DCLK1: variants seen among roughly 807,000 people sequenced by gnomAD.
The protein encoded by DCLK1 is serine/threonine-protein kinase DCLK1.
A neutral mutation model predicts 86.2 loss-of-function variants in DCLK1; 16 were observed. That is an observed-to-expected ratio of 0.19 (90% CI 0.13 to 0.28). DCLK1 has a LOEUF of 0.28. DCLK1 is among the 10% of genes least tolerant of loss of function. The pLI, the probability that DCLK1 is intolerant of heterozygous loss-of-function variation, is 1.00. For synonymous variants in DCLK1, 369 were observed against 370.5 expected, an observed-to-expected ratio of 1.00 and a Z score of 0.05; for missense variants, 590 against 940.2, an observed-to-expected ratio of 0.63 and a Z score of 4.87.
intron 3 of DCLK1, among the ~76,000 whole-genome samples, chr13:35,982,908 C>A (rs1477796245): frequency 6.6e-6 from 1 of 151,724 alleles, no homozygotes; most frequent in Non-Finnish European, 1.5e-5. Flanking sequence ...ATTACAAGCA[C>A]CCGCCACCAC....
intron 4 of DCLK1, among the ~76,000 whole-genome samples, chr13:35,915,846 A>C (rs1875373095): frequency 6.6e-6 from 1 of 152,224 alleles, no homozygotes; most frequent in Admixed American, 6.5e-5. Context: ...GTTTTGATTG[A>C]TCACTAACCT....
intron 3 of DCLK1, among the ~76,000 whole-genome samples, chr13:36,066,522 C>G (rs1883757017): frequency 6.6e-6 from 1 of 152,058 alleles, no homozygotes; most frequent in Non-Finnish European, 1.5e-5. Flanking sequence ...TAGCATGGCC[C>G]AAGTAAATCA....
intron 5 of DCLK1, among the ~76,000 whole-genome samples, chr13:35,865,767 G>C (rs1277636695): frequency 4.6e-5 from 7 of 152,158 alleles, no homozygotes; most frequent in Non-Finnish European, 1.0e-4. Context: ...AGAGAAATGG[G>C]TAAGGGACAA....
chr13:36,101,504 G>A (rs140832410), intron 3 of DCLK1, among the ~76,000 whole-genome samples: 14 of 152,282 alleles, frequency 9.2e-5, no homozygotes, highest in East Asian at 5.8e-4. Context: ...AACAACAGCC[G>A]GGGTTCGCCG....
intron 4 of DCLK1, among the ~76,000 whole-genome samples, chr13:35,882,868 G>A (rs1264084281): frequency 6.6e-6 from 1 of 152,154 alleles, no homozygotes; most frequent in African/African-American, 2.4e-5. Context: ...CTCCAGCGGA[G>A]GAAATGAGCC....
chr13:35,953,988 G>C (rs943639176), intron 3 of DCLK1, among the ~76,000 whole-genome samples: 4 of 152,146 alleles, frequency 2.6e-5, no homozygotes, highest in African/African-American at 7.2e-5. Flanking sequence ...TATATTTTAA[G>C]CAAGAGAATA....
chr13:35,783,730 G>T (rs2086571327), intron 16 of DCLK1, among the ~76,000 whole-genome samples: 1 of 151,944 alleles, frequency 6.6e-6, no homozygotes, highest in South Asian at 2.1e-4. Flanking sequence ...GATTACAGGT[G>T]CCCACCACCA....
intron 4 of DCLK1, among the ~76,000 whole-genome samples, chr13:35,882,493 T>A (rs1408799649): frequency 6.6e-6 from 1 of 152,238 alleles, no homozygotes; most frequent in African/African-American, 2.4e-5. Context: ...TATCAGGAAA[T>A]CTATTGTTGC....
At chr13:35,787,007 C>T (rs893229586) in intron 16 of DCLK1, among the ~76,000 whole-genome samples, 1 of 151,478 alleles carries the variant, frequency 6.6e-6, no homozygotes, top group Admixed American at 6.6e-5. Context: ...TTCTGCTTTC[C>T]TATGTACTAT....
chr13:36,116,626 T>C (rs1885801927), intron 2 of DCLK1, among the ~76,000 whole-genome samples: 1 of 152,192 alleles, frequency 6.6e-6, no homozygotes, highest in South Asian at 2.1e-4. Context: ...TTCACATTAC[T>C]AGAGCTGGTT....
At chr13:35,804,677 C>T (rs1393141337) in intron 15 of DCLK1, among the ~76,000 whole-genome samples, 3 of 151,920 alleles carry the variant, frequency 2.0e-5, no homozygotes, top group African/African-American at 7.3e-5. Context: ...AAGCGATCTG[C>T]CGGCCTCAGC....
In DCLK1 at chr13:35,850,710, A is replaced by G. The variant is rs758944231; in HGVS notation, c.1035+3789T>C. 2.4e-5 allele frequency: 39 copies of G among 1,597,962 alleles called. No homozygotes were observed. The South Asian group carries it at 4.3e-4, about 18-fold the overall frequency. On this transcript the variant is annotated intron_variant, in intron 6 of 16. Coordinates refer to ENST00000360631, the MANE Select transcript of DCLK1 (RefSeq NM_001330071.2). ...AATCACAAACCATATACATTGCTCC[A>G]TTGTTTCTTTTACACTGAGTCTCCT...
intron 3 of DCLK1, among the ~76,000 whole-genome samples, chr13:36,082,735 G>A (rs744190): frequency 0.59 from 89,696 of 152,034 alleles, 26,886 homozygotes; most frequent in East Asian, 0.86. Context: ...GAAAGCACTA[G>A]AAGTTGCTAA....
chr13:35,868,910 C>T (rs779735005), intron 5 of DCLK1, among the ~76,000 whole-genome samples: 39 of 152,174 alleles, frequency 2.6e-4, no homozygotes, highest in Non-Finnish European at 4.6e-4. Context: ...CCTGCCTCAG[C>T]CTCCTGAGTA....
intron 3 of DCLK1, among the ~76,000 whole-genome samples, chr13:36,063,508 G>A (rs1019962690): frequency 1.3e-5 from 2 of 152,052 alleles, no homozygotes; most frequent in Non-Finnish European, 2.9e-5. Context: ...AGGCCTTGAG[G>A]CTCTTATTTT....
At chr13:35,818,230 T>C (rs1013398695) in intron 11 of DCLK1, among the ~76,000 whole-genome samples, 1 of 152,180 alleles carries the variant, frequency 6.6e-6, no homozygotes, top group Non-Finnish European at 1.5e-5. Context: ...CCAGTGCAGT[T>C]AGCTATCCTA....
intron 5 of DCLK1, among the ~76,000 whole-genome samples, chr13:35,870,123 C>T (rs1289371881): frequency 3.3e-5 from 5 of 152,180 alleles, no homozygotes; most frequent in Admixed American, 1.3e-4. Context: ...CAAGTGCCAG[C>T]GATGCTCTGA....
Position 35,774,704 on chromosome 13 carries a change from C to G in DCLK1, c.2059-5G>C. On this transcript the variant is annotated splice_polypyrimidine_tract_variant and splice_region_variant and intron_variant, in intron 16 of 16. Coordinates refer to ENST00000360631, the MANE Select transcript of DCLK1 (RefSeq NM_001330071.2). ...CTCCTTATCAAGAGCGGTGGTCTAGCAGGGGCATAAAATGAGAAAGAGGAC... is the reference window on the plus strand; with the variant it reads ...CTCCTTATCAAGAGCGGTGGTCTAGGAGGGGCATAAAATGAGAAAGAGGAC... 2 of 1,610,404 alleles carry G rather than the reference C, an allele frequency of 1.2e-6. No homozygotes were observed. Among genetic ancestry groups the G allele is most frequent in the Non-Finnish European group, 1.7e-6 (2 of 1,178,196 alleles).
At chr13:35,838,899 T>C (rs1037823507) in intron 7 of DCLK1, among the ~76,000 whole-genome samples, 193 bp downstream of exon 7, 19 of 152,014 alleles carry the variant, frequency 1.2e-4, no homozygotes, top group African/African-American at 4.4e-4. Context: ...TGGGCCAACT[T>C]CCCCTTCCCA....
Sources: gnomAD v4.1 joint callset for allele counts (sites outside exome capture counted in the v4.1 genomes callset) on GRCh38, gnomAD v4.1.1 for gene constraint, MANE v1.5 for transcripts, NCBI Gene and HGNC (gene_info 2026-07-23, HGNC 2026-07-21) for gene names.